The following CNTNAP2 variants were observed in gnomAD, a reference collection of about 807,000 sequenced individuals.
CNTNAP2 encodes the protein contactin-associated protein-like 2.
In CNTNAP2, 98 loss-of-function variants were observed where a neutral mutation model predicts 155.2. The ratio of observed to expected loss-of-function variants is 0.63; its 90% CI spans 0.54 to 0.75. CNTNAP2 has a LOEUF of 0.75. CNTNAP2 is among the 30% of genes least tolerant of loss of function. CNTNAP2 has a pLI of 0.00. For synonymous variants in CNTNAP2, 651 were observed against 631.2 expected (o/e 1.03, Z -0.47); for missense variants, 1,727 against 1,688.1 (o/e 1.02, Z -0.40).
chr7:146,931,418 C>A (rs1364885381), intron 3 of CNTNAP2, among the ~76,000 whole-genome samples: 1 of 148,818 alleles, frequency 6.7e-6, no homozygotes, highest in Non-Finnish European at 1.5e-5. Flanking sequence ...ACCAGAATCT[C>A]TGGGACGCAT....
At chr7:147,698,227 G>C (rs894134839) in intron 13 of CNTNAP2, among the ~76,000 whole-genome samples, 9 of 152,156 alleles carry the variant, frequency 5.9e-5, no homozygotes, top group African/African-American at 2.2e-4. Context: ...CCAGACTGAA[G>C]ATACCTAATC....
intron 13 of CNTNAP2, among the ~76,000 whole-genome samples, chr7:147,751,489 A>C (rs201844950): frequency 0.18 from 1,675 of 9,522 alleles, 96 homozygotes; most frequent in Admixed American, 0.52. Flanking sequence ...GATTTCATAA[A>C]GTTTCAGATA....
chr7:147,422,308 T>C (rs763236472), intron 10 of CNTNAP2, among the ~76,000 whole-genome samples: 1 of 150,780 alleles, frequency 6.6e-6, no homozygotes, highest in Non-Finnish European at 1.5e-5. Flanking sequence ...CATCCACACA[T>C]CCAGTCCTCT....
At chr7:148,160,766 G>T (rs1208415990) in intron 17 of CNTNAP2, among the ~76,000 whole-genome samples, 1 of 152,126 alleles carries the variant, frequency 6.6e-6, no homozygotes, top group African/African-American at 2.4e-5. Flanking sequence ...GGTGGTTGTT[G>T]TTGTTTTTCT....
chr7:147,269,594 T>C (rs1457115520), intron 8 of CNTNAP2, among the ~76,000 whole-genome samples: 1 of 152,224 alleles, frequency 6.6e-6, no homozygotes, highest in African/African-American at 2.4e-5. Flanking sequence ...ACATGTTTGC[T>C]ATATTCCTCT....
intron 21 of CNTNAP2, among the ~76,000 whole-genome samples, chr7:148,289,650 A>C (rs1209136944): frequency 1.3e-5 from 2 of 152,154 alleles, no homozygotes; most frequent in Non-Finnish European, 2.9e-5. Flanking sequence ...CTCAGCAAAC[A>C]CTGGTGGCAT....
rs141440242 is a variant in CNTNAP2, at chr7:147,192,281, G to A, written c.1348+59772G>A. Among the ~76,000 whole-genome samples, 390 of 151,926 alleles carry A rather than the reference G, an allele frequency of 2.6e-3. 1 individual carries two copies. Among genetic ancestry groups the A allele is most frequent in the African/African-American group, 8.7e-3 (362 of 41,422 alleles). On this transcript the variant is annotated intron_variant, in intron 8 of 23. Coordinates refer to ENST00000361727, the MANE Select transcript of CNTNAP2 (RefSeq NM_014141.6). ...CCAGTCAGCTGCCTTTCCCTGGTCC[G>A]TTCCTCCAGCCTCCCATGAAGAAGT...
At chr7:148,212,803 C>T (rs1336056431) in intron 18 of CNTNAP2, among the ~76,000 whole-genome samples, 1 of 152,088 alleles carries the variant, frequency 6.6e-6, no homozygotes, top group Non-Finnish European at 1.5e-5. Flanking sequence ...GTAAATCTGC[C>T]ACTTGGAGCC....
intron 3 of CNTNAP2, among the ~76,000 whole-genome samples, chr7:146,927,218 G>C (rs1407459012): frequency 1.3e-5 from 2 of 152,122 alleles, no homozygotes; most frequent in Non-Finnish European, 2.9e-5. Flanking sequence ...AAGAACTGAT[G>C]AGTTATAACC....
chr7:147,233,332 G>C (rs535559975), intron 8 of CNTNAP2, among the ~76,000 whole-genome samples: 1 of 152,130 alleles, frequency 6.6e-6, no homozygotes, highest in Non-Finnish European at 1.5e-5. Context: ...TGCTGCTTCT[G>C]CCAGCTGAAC....
intron 1 of CNTNAP2, 186 bp downstream of exon 1, chr7:146,117,159 G>A: frequency 1.6e-6 from 1 of 606,306 alleles, no homozygotes. Context: ...TTTTGGAAGA[G>A]ACAGGGTTGT....
intron 1 of CNTNAP2, among the ~76,000 whole-genome samples, chr7:146,185,591 C>T (rs1022156682): frequency 6.6e-6 from 1 of 152,184 alleles, no homozygotes; most frequent in African/African-American, 2.4e-5. Context: ...CGGGCATCCT[C>T]TCTCCAGAGA....
intron 1 of CNTNAP2, among the ~76,000 whole-genome samples, chr7:146,276,052 G>C (rs532692974): frequency 1.3e-5 from 2 of 152,314 alleles, no homozygotes; most frequent in East Asian, 3.9e-4. Flanking sequence ...AGTGGCACCA[G>C]AGGAGATGAA....
intron 11 of CNTNAP2, among the ~76,000 whole-genome samples, chr7:147,528,887 A>C (rs1371820348): frequency 6.6e-6 from 1 of 152,222 alleles, no homozygotes; most frequent in East Asian, 1.9e-4. Context: ...TTTTAAAATG[A>C]CACACAGTAG....
At chr7:147,056,383 A>C (rs557653704) in intron 4 of CNTNAP2, among the ~76,000 whole-genome samples, 38 of 152,218 alleles carry the variant, frequency 2.5e-4, no homozygotes, top group African/African-American at 9.2e-4. Flanking sequence ...GGAAAAAAAA[A>C]CCCTCTTTCC....
chr7:146,158,582 A>G (rs959659768), intron 1 of CNTNAP2, among the ~76,000 whole-genome samples: 1 of 152,208 alleles, frequency 6.6e-6, no homozygotes, highest in Non-Finnish European at 1.5e-5. Flanking sequence ...CGGCATGAGA[A>G]CTATGTGACG....
At chr7:146,523,046 T>G (rs1344281701) in intron 1 of CNTNAP2, among the ~76,000 whole-genome samples, 1 of 152,012 alleles carries the variant, frequency 6.6e-6, no homozygotes, top group Non-Finnish European at 1.5e-5. Flanking sequence ...TTTGCTTACA[T>G]GAGTAAGTTC....
chr7:147,653,634 A>C (rs1563040030), intron 13 of CNTNAP2, among the ~76,000 whole-genome samples: 2 of 152,188 alleles, frequency 1.3e-5, no homozygotes, highest in African/African-American at 4.8e-5. Context: ...GAGGAGCAGA[A>C]AGGAGGGCAC....
intron 1 of CNTNAP2, among the ~76,000 whole-genome samples, chr7:146,521,283 G>T (rs1797612858): frequency 6.6e-6 from 1 of 151,876 alleles, no homozygotes; most frequent in Non-Finnish European, 1.5e-5. Context: ...AATGAATGTG[G>T]CTGTGTTTCC....
Sources: gnomAD v4.1 joint callset for allele counts (sites outside exome capture counted in the v4.1 genomes callset) on GRCh38, gnomAD v4.1.1 for gene constraint, MANE v1.5 for transcripts, NCBI Gene and HGNC (gene_info 2026-07-23, HGNC 2026-07-21) for gene names.